Variants in C2orf92 observed in about 807,000 individuals in gnomAD.
C2orf92 encodes chromosome 2 open reading frame 92, also known as uncharacterized protein C2orf92.
intron 3 of C2orf92, among the ~76,000 whole-genome samples, chr2:97,681,418 A>G (rs1201323926): frequency 6.6e-6 from 1 of 152,196 alleles, no homozygotes; most frequent in Admixed American, 6.6e-5. Context: ...ATGGAGATTA[A>G]GCAACACACT....
intron 3 of C2orf92, among the ~76,000 whole-genome samples, chr2:97,686,334 C>T (rs1675959682): frequency 6.6e-6 from 1 of 152,188 alleles, no homozygotes; most frequent in Admixed American, 6.5e-5. Context: ...ATGACGACCA[C>T]ATTGGGAATC....
intron 6 of C2orf92, among the ~76,000 whole-genome samples, chr2:97,699,843 T>G (rs1392205948): frequency 6.6e-6 from 1 of 152,206 alleles, no homozygotes; most frequent in Non-Finnish European, 1.5e-5. Context: ...GCTTAGAAAT[T>G]AAATGCTGAA....
intron 7 of C2orf92, 93 bp from the exon 8 acceptor site, chr2:97,702,576 G>T: frequency 2.5e-6 from 1 of 397,774 alleles, no homozygotes. Context: ...TCCTCACGCT[G>T]GGAAGCGTCA....
At chr2:97,690,690 C>T (rs1202876007) in intron 5 of C2orf92, among the ~76,000 whole-genome samples, 1 of 148,854 alleles carries the variant, frequency 6.7e-6, no homozygotes, top group Non-Finnish European at 1.5e-5. Context: ...CCCTCCTTTT[C>T]CTTTTACCTG....
upstream of C2orf92, among the ~76,000 whole-genome samples, chr2:97,667,699 T>G (rs1230714944): frequency 6.6e-6 from 1 of 152,156 alleles, no homozygotes; most frequent in East Asian, 1.9e-4. Flanking sequence ...CCCAAAATGC[T>G]GGGATTACAG....
chr2:97,693,731 C>G (rs1192047324), intron 5 of C2orf92, among the ~76,000 whole-genome samples: 1 of 152,158 alleles, frequency 6.6e-6, no homozygotes, highest in African/African-American at 2.4e-5. Context: ...TGTGCTGTCA[C>G]TCAGAGTGGC....
intron 4 of C2orf92, among the ~76,000 whole-genome samples, chr2:97,689,565 A>G (rs901176973): frequency 1.7e-4 from 26 of 152,180 alleles, no homozygotes; most frequent in African/African-American, 6.3e-4. Context: ...GCTCACAGTA[A>G]TAAGGATAGA....
At chr2:97,670,179 T>A (rs563657468) in intron 1 of C2orf92, 1 of 178,766 alleles carries the variant, frequency 5.6e-6, no homozygotes, top group African/African-American at 2.3e-5. Flanking sequence ...TTTATCTATA[T>A]ATATGCACTA....
chr2:97,690,774 TTTTTTTTTTTTG>T (rs1676109107), intron 5 of C2orf92, among the ~76,000 whole-genome samples: 2 of 147,460 alleles, frequency 1.4e-5, no homozygotes, highest in East Asian at 2.0e-4. Context: ...GAGTACTTGT[TTTTTTTTTTTTG>T]TTTTTTTTTT....
At position 97,702,707 on chromosome 2, in the gene C2orf92, T is replaced by C. The variant is rs1314968843; in HGVS notation, c.704T>C (p.Met235Thr). 2.5e-6 allele frequency: 1 copy of C among 398,970 alleles called. No homozygotes were observed. 24.7% of individuals were successfully genotyped at this position (398,970 alleles called of 1,614,324 possible). The change falls in exon 8 of 8, where the codon ATG (methionine) becomes ACG (threonine). Residue 235 changes from methionine (M) to threonine (T), a missense_variant. Met to Thr is a moderately conservative substitution (Grantham distance 81). Transcript: ENST00000627399. ...AACACGACATATAATATTTTTATAA[T>C]GGATGGAAAGACATGGTGGCACAAT... ...LANTTYNIFI[M>T]DGKTWWHNSE... is the part of the protein sequence containing the mutation.
upstream of C2orf92, chr2:97,669,008 C>A (rs1278279292): frequency 3.3e-5 from 5 of 151,976 alleles, no homozygotes. Flanking sequence ...CCATCTCAGC[C>A]ATGGAACAGA....
intron 3 of C2orf92, among the ~76,000 whole-genome samples, chr2:97,680,567 C>T (rs1326750393): frequency 6.6e-6 from 1 of 152,122 alleles, no homozygotes; most frequent in South Asian, 2.1e-4. Context: ...GATGTTAAAC[C>T]ACATGGTTTA....
chr2:97,667,375 G>A (rs1675268996), upstream of C2orf92, among the ~76,000 whole-genome samples: 1 of 150,332 alleles, frequency 6.7e-6, no homozygotes, highest in Admixed American at 6.6e-5. Context: ...CAATTCTCCT[G>A]GCTCAGCCTC....
intron 2 of C2orf92, 93 bp from the exon 3 acceptor site, chr2:97,675,752 C>G (rs758934407): frequency 2.0e-5 from 8 of 398,300 alleles, no homozygotes; most frequent in Non-Finnish European, 3.5e-5. Flanking sequence ...TGATGCTCAC[C>G]TCAAAATCCC....
In C2orf92 at chr2:97,672,734, G is replaced by A. The variant is rs192254513; in HGVS notation, c.47-1722G>A. ...CTCTGGGCAGCATTTCCAGGGACTC[G>A]TAGGTCAGCATGGTCATCAAGGACA... On this transcript the variant is annotated intron_variant, in intron 1 of 7. Coordinates refer to ENST00000627399, the MANE Select transcript of C2orf92 (RefSeq NM_001351368.2). Among the ~76,000 whole-genome samples the A allele has an allele frequency of 3.2e-3, 488 of 152,140 alleles. 1 individual carries two copies. Among genetic ancestry groups the A allele is most frequent in the African/African-American group, 0.01 (425 of 41,436 alleles).
chr2:97,696,884 C>T (rs1676322220), intron 5 of C2orf92, among the ~76,000 whole-genome samples: 1 of 152,176 alleles, frequency 6.6e-6, no homozygotes, highest in Non-Finnish European at 1.5e-5. Context: ...GATCATAGGT[C>T]CACTGAATGG....
At chr2:97,701,596 C>G (rs1229894738) in intron 7 of C2orf92, among the ~76,000 whole-genome samples, 2 of 152,156 alleles carry the variant, frequency 1.3e-5, no homozygotes, top group Admixed American at 6.5e-5. Context: ...ATTGAGGGCT[C>G]TGGCTGAAAG....
chr2:97,683,076 C>CCACACACACACACACACA (rs760650490), intron 3 of C2orf92, among the ~76,000 whole-genome samples: 8 of 143,166 alleles, frequency 5.6e-5, no homozygotes, highest in Non-Finnish European at 1.1e-4. Context: ...CATATAGACT[C>CCACACACACACACACACA]CACACACACA....
At chr2:97,665,737 CTATATATATATATATATATATA>C (rs146865921), upstream of C2orf92, 1 of 29,236 alleles carries the variant, frequency 3.4e-5, no homozygotes, top group Non-Finnish European at 6.4e-5. Context: ...CTCTCTCTCT[CTATATATATATATATATATATA>C]TATATATATA....
Sources: allele counts gnomAD v4.1 joint callset (sites outside exome capture counted in the v4.1 genomes callset), GRCh38; gene constraint gnomAD v4.1.1; transcripts MANE v1.5; gene names NCBI Gene and HGNC (gene_info 2026-07-23, HGNC 2026-07-21).